DET1: variants seen among roughly 807,000 people sequenced by gnomAD.
DET1 encodes DET1 partner of COP1 E3 ubiquitin ligase.
In DET1, 22 loss-of-function variants were observed where a neutral mutation model predicts 43.7. That is an observed-to-expected ratio of 0.50 (90% CI 0.36 to 0.72). The LOEUF (loss-of-function observed/expected upper bound fraction) is 0.72, where lower values mean the gene tolerates loss of function less well. Ranked by LOEUF, DET1 falls within the 30% of genes least tolerant of loss-of-function variation. The pLI, the probability that DET1 is intolerant of heterozygous loss-of-function variation, is 0.00. For missense variants in DET1, 713 were observed against 713.3 expected (o/e 1.00, Z 0.00); for synonymous variants, 315 against 266.2 (o/e 1.18, Z -1.79).
chr15:88,543,336 C>G (rs2057161066), intron 1 of DET1, among the ~76,000 whole-genome samples: 1 of 152,200 alleles, frequency 6.6e-6, no homozygotes, highest in African/African-American at 2.4e-5. Context: ...ACCCTTACAG[C>G]TCCTCATGCT....
intron 3 of DET1, among the ~76,000 whole-genome samples, chr15:88,522,886 CT>C (rs144486649): frequency 0.26 from 35,637 of 138,176 alleles, 6,107 homozygotes; most frequent in African/African-American, 0.52. Flanking sequence ...TTTTCTTCTT[CT>C]TTTTTTTTTT....
chr15:88,540,558 G>C (rs1002924322), intron 1 of DET1, among the ~76,000 whole-genome samples: 15 of 152,086 alleles, frequency 9.9e-5, no homozygotes, highest in African/African-American at 3.6e-4. Flanking sequence ...TTGGTGTGGG[G>C]AAAAGCAAGA....
chr15:88,516,286 C>T lies in DET1; in HGVS notation c.1463+496G>A, dbSNP rs149505535. Among the ~76,000 whole-genome samples, 342 of 152,254 alleles carry T rather than the reference C, an allele frequency of 2.2e-3. 2 individuals carry two copies. The highest frequency in any genetic ancestry group is 7.9e-3 in the African/African-American group (329 of 41,546). ...TGTGAGGAAAGAATTTCTTGTAAGACGTCAGTTTCAAACTTCTAACAATAA... is the reference window on the plus strand; with the variant it reads ...TGTGAGGAAAGAATTTCTTGTAAGATGTCAGTTTCAAACTTCTAACAATAA... On this transcript the variant is annotated intron_variant, in intron 4 of 4. Transcript: ENST00000268148. This position sits in a 1 kb window ranked among gnomAD's most constrained non-coding sequence, Gnocchi z 4.4.
Position 88,516,558 on chromosome 15 carries a change from T to C in DET1, c.1463+224A>G, listed in dbSNP as rs1187088767. Among the ~76,000 whole-genome samples the C allele has an allele frequency of 6.6e-6, 1 of 152,216 alleles. No homozygotes were observed. Among genetic ancestry groups the C allele is most frequent in the Non-Finnish European group, 1.5e-5 (1 of 68,038 alleles). ...TACCTTTAAAAGAGGACAACACTTA[T>C]CTGAATTAGATGTTCTGATGAGAAG... is the stretch of plus-strand genomic sequence containing the variant. On this transcript the variant is annotated intron_variant, in intron 4 of 4. Transcript: ENST00000268148. This position sits in a 1 kb window ranked among gnomAD's most constrained non-coding sequence, Gnocchi z 4.4.
At chr15:88,503,062 G>A (rs2056104299) in intron 8 of DET1, 1 of 152,220 alleles carries the variant, frequency 6.6e-6, no homozygotes, top group South Asian at 2.1e-4. Context: ...CTAGGAGTTG[G>A]AGACCAGCCT....
downstream of DET1, among the ~76,000 whole-genome samples, chr15:88,507,872 C>T (rs2056158528): frequency 6.6e-6 from 1 of 152,246 alleles, no homozygotes; most frequent in South Asian, 2.1e-4. Flanking sequence ...TGTCCACGGA[C>T]TGTTAGGAAC....
chr15:88,506,509 T>G (rs1219696001), intron 7 of DET1, among the ~76,000 whole-genome samples: 5 of 151,976 alleles, frequency 3.3e-5, no homozygotes, highest in African/African-American at 1.2e-4. Context: ...AAAATTGCCC[T>G]GTGGAACATC....
chr15:88,532,734 C>A (rs1042167828), intron 1 of DET1, among the ~76,000 whole-genome samples: 3 of 152,092 alleles, frequency 2.0e-5, no homozygotes, highest in Non-Finnish European at 2.9e-5. Flanking sequence ...AACTGAATAG[C>A]CACATGCAAA....
rs116758847 is a variant in DET1, at chr15:88,520,054, C to T, written c.1272-3081G>A. Among the ~76,000 whole-genome samples the T allele has an allele frequency of 5.7e-3, 864 of 152,288 alleles. 10 individuals are homozygous for T. Among genetic ancestry groups the T allele is most frequent in the African/African-American group, 0.02 (812 of 41,560 alleles). ...ACATTTGTACATATATAACTTTCTG[C>T]GCTCCCATGCAAGGCAAATCCCTCT... On this transcript the variant is annotated intron_variant, in intron 3 of 4. Coordinates refer to ENST00000268148, the MANE Select transcript of DET1 (RefSeq NM_001144074.3).
At chr15:88,515,235 G>T (rs2056309135) in intron 4 of DET1, among the ~76,000 whole-genome samples, 1 of 152,056 alleles carries the variant, frequency 6.6e-6, no homozygotes, top group Admixed American at 6.6e-5. Context: ...GGGGAAAGAA[G>T]AACCTACAGA....
chr15:88,536,597 G>C (rs997079196), intron 1 of DET1, among the ~76,000 whole-genome samples: 3 of 151,872 alleles, frequency 2.0e-5, no homozygotes, highest in African/African-American at 7.3e-5. Context: ...GGCCAACATA[G>C]TGAAACTCCA....
At chr15:88,544,008 T>C (rs971473190) in intron 1 of DET1, among the ~76,000 whole-genome samples, 1 of 152,196 alleles carries the variant, frequency 6.6e-6, no homozygotes, top group African/African-American at 2.4e-5. Context: ...CTAGTACTAG[T>C]AGACACCTTC....
At chr15:88,527,273 C>T (rs1403612254) in intron 3 of DET1, among the ~76,000 whole-genome samples, 4 of 152,132 alleles carry the variant, frequency 2.6e-5, no homozygotes, top group Admixed American at 1.3e-4. Context: ...TCATGTTTAA[C>T]CAAAAGTTTC....
chr15:88,513,110 C>T lies in DET1; in HGVS notation c.1494G>A (p.Lys498=), dbSNP rs772601304. The change falls in exon 5 of 5, where the codon AAG becomes AAA. Residue 498 remains lysine (K), a synonymous_variant. Transcript: ENST00000268148. ...CCAATAACCCCGCCTGGATCTCAAA[C>T]TTGAGCAGGCCCGAGTCCCGGGCAT... ...RFYARDSGLL[K]FEIQAGLLGR... 9.3e-6 allele frequency: 15 copies of T among 1,613,434 alleles called. No individual in the cohort carries two copies. Among genetic ancestry groups the T allele is most frequent in the Non-Finnish European group, 1.3e-5 (15 of 1,179,648 alleles).
intron 7 of DET1, among the ~76,000 whole-genome samples, chr15:88,506,212 C>A (rs576669348): frequency 1.3e-5 from 2 of 152,134 alleles, no homozygotes; most frequent in Non-Finnish European, 2.9e-5. Context: ...TAGAAATTAC[C>A]CCCGTTTTAC....
At chr15:88,509,699 A>C (rs551746385), downstream of DET1, among the ~76,000 whole-genome samples, 1 of 152,276 alleles carries the variant, frequency 6.6e-6, no homozygotes, top group East Asian at 1.9e-4. Context: ...GTCCACCAAA[A>C]CTCATTCTCT....
At chr15:88,514,958 C>T (rs2063333414) in intron 4 of DET1, among the ~76,000 whole-genome samples, 1 of 152,122 alleles carries the variant, frequency 6.6e-6, no homozygotes, top group Non-Finnish European at 1.5e-5. Flanking sequence ...TCTCATGGTA[C>T]TTGACTCATA....
At chr15:88,524,140 ATG>A (rs2056588904) in intron 3 of DET1, among the ~76,000 whole-genome samples, 1 of 146,848 alleles carries the variant, frequency 6.8e-6, no homozygotes, top group African/African-American at 2.6e-5. Flanking sequence ...CCCGTCGGGG[ATG>A]TAAGGAGCGC....
At chr15:88,505,753 TATA>T (rs2056133351) in intron 7 of DET1, 7 of 152,212 alleles carry the variant, frequency 4.6e-5, no homozygotes, top group Admixed American at 4.6e-4. Flanking sequence ...TACTTTCCTA[TATA>T]AGGTGCTTGG....
Sources: gnomAD v4.1 joint callset for allele counts (sites outside exome capture counted in the v4.1 genomes callset) on GRCh38, gnomAD v4.1.1 for gene constraint, Gnocchi (gnomAD v3.1) non-coding constraint, MANE v1.5 for transcripts, NCBI Gene and HGNC (gene_info 2026-07-23, HGNC 2026-07-21) for gene names.